IL1RAP: variants seen among roughly 807,000 people sequenced by gnomAD.
IL1RAP encodes the protein interleukin-1 receptor accessory protein.
In IL1RAP, 35 loss-of-function variants were observed where a neutral mutation model predicts 60.7. The observed-to-expected ratio is 0.58, with a 90% CI of 0.44 to 0.76. The LOEUF (loss-of-function observed/expected upper bound fraction) is 0.76, where lower values mean the gene tolerates loss of function less well. Ranked by LOEUF, IL1RAP falls within the 30% of genes least tolerant of loss-of-function variation. IL1RAP has a pLI of 0.00. For missense variants in IL1RAP, 572 were observed against 693.9 expected (o/e 0.82, Z 1.97); for synonymous variants, 268 against 250.9 (o/e 1.07, Z -0.64).
intron 1 of IL1RAP, among the ~76,000 whole-genome samples, chr3:190,517,112 C>T (rs1193495540): frequency 6.6e-6 from 1 of 152,200 alleles, no homozygotes; most frequent in South Asian, 2.1e-4. Context: ...TCCTTAAGCA[C>T]AGTTCTGTAG....
At chr3:190,556,743 G>A (rs186448780) in intron 2 of IL1RAP, among the ~76,000 whole-genome samples, 2 of 152,234 alleles carry the variant, frequency 1.3e-5, no homozygotes, top group Non-Finnish European at 2.9e-5. Flanking sequence ...CTTGAACCAC[G>A]TAATTTGGGC....
At chr3:190,607,733 T>G (rs921619424) in intron 4 of IL1RAP, among the ~76,000 whole-genome samples, 9 of 152,210 alleles carry the variant, frequency 5.9e-5, no homozygotes, top group African/African-American at 2.2e-4. Context: ...ATGTGTTTGT[T>G]TTTTTCCTTC....
intron 3 of IL1RAP, among the ~76,000 whole-genome samples, chr3:190,572,640 C>T (rs1372481259): frequency 6.6e-6 from 1 of 152,164 alleles, no homozygotes. Context: ...AATACTCCCC[C>T]CTTTTTTTCC....
At chr3:190,656,523 G>A in exon 12 of IL1RAP, 1 of 1,537,268 alleles carries the variant, frequency 6.5e-7, no homozygotes, top group Non-Finnish European at 8.7e-7. Flanking sequence ...GCACCAGATT[G>A]GAACCCCCTG....
intron 3 of IL1RAP, among the ~76,000 whole-genome samples, chr3:190,572,260 T>G (rs546205685): frequency 1.6e-4 from 24 of 152,306 alleles, no homozygotes; most frequent in Non-Finnish European, 3.1e-4. Flanking sequence ...ATTTTCAATG[T>G]TTTTTGAATT....
chr3:190,531,270 T>A (rs1462233098), intron 1 of IL1RAP, among the ~76,000 whole-genome samples: 1 of 151,738 alleles, frequency 6.6e-6, no homozygotes. Context: ...TAATAATAAT[T>A]AAAAAAAATC....
At chr3:190,585,601 C>T (rs1467454229) in intron 3 of IL1RAP, among the ~76,000 whole-genome samples, 1 of 152,098 alleles carries the variant, frequency 6.6e-6, no homozygotes, top group Non-Finnish European at 1.5e-5. Context: ...TGCCTGACCT[C>T]AGGAGTTTGA....
chr3:190,522,619 G>A lies in IL1RAP; in HGVS notation c.-89+8400G>A, dbSNP rs188300739. ...CTCTCTCATTTGATGAATCTCAGAT[G>A]GAGAGGGGGAGTATATCAAGTAGAT... On this transcript the variant is annotated intron_variant, in intron 1 of 11. Transcript: ENST00000447382. Among the ~76,000 whole-genome samples the A allele has an allele frequency of 8.3e-4, 122 of 147,850 alleles. 1 individual carries two copies. The highest frequency in any genetic ancestry group is 2.3e-3 in the Admixed American group (33 of 14,512).
intron 11 of IL1RAP, among the ~76,000 whole-genome samples, chr3:190,646,492 C>A (rs1421944736): frequency 6.6e-6 from 1 of 152,024 alleles, no homozygotes; most frequent in Non-Finnish European, 1.5e-5. Context: ...GCCAGTGTAA[C>A]TAGAAGGTTT....
intron 1 of IL1RAP, among the ~76,000 whole-genome samples, chr3:190,515,430 A>T (rs913964795): frequency 6.6e-6 from 1 of 152,118 alleles, no homozygotes; most frequent in Non-Finnish European, 1.5e-5. Context: ...GGGTTTTCAG[A>T]AAGGTGATTT....
intron 2 of IL1RAP, 110 bp downstream of exon 2, chr3:190,556,326 C>G (rs1372815726): frequency 6.6e-6 from 1 of 151,982 alleles, no homozygotes; most frequent in Non-Finnish European, 1.5e-5. Flanking sequence ...CAAGCAAAAA[C>G]TTTAGCTTAT....
chr3:190,645,190 C>T (rs7628357), intron 10 of IL1RAP, among the ~76,000 whole-genome samples: 5 of 152,106 alleles, frequency 3.3e-5, no homozygotes, highest in South Asian at 4.2e-4. Context: ...GGAAGAAACA[C>T]GGAATCGATA....
rs191282769 is a variant in IL1RAP, at chr3:190,610,969, A to T, written c.537+1788A>T. ...ACAAAATTTAATGGGTTACATTTGG[A>T]TGATGATAGGAAATCAGTTTATTAT... On this transcript the variant is annotated intron_variant, in intron 5 of 11. Transcript: ENST00000447382. Among the ~76,000 whole-genome samples the T allele has an allele frequency of 1.4e-3, 212 of 152,334 alleles. 1 individual carries two copies. Among genetic ancestry groups the T allele is most frequent in the African/African-American group, 4.9e-3 (203 of 41,572 alleles).
chr3:190,601,092 C>A (rs760146079), intron 3 of IL1RAP, among the ~76,000 whole-genome samples: 1 of 152,210 alleles, frequency 6.6e-6, no homozygotes, highest in African/African-American at 2.4e-5. Flanking sequence ...TCAAGCAAGT[C>A]TCCTGCCTCA....
At chr3:190,532,325 C>G (rs1272386842) in intron 1 of IL1RAP, among the ~76,000 whole-genome samples, 1 of 149,926 alleles carries the variant, frequency 6.7e-6, no homozygotes, top group Non-Finnish European at 1.5e-5. Context: ...TGCAGTGGCA[C>G]CATCTCGGCT....
In IL1RAP at chr3:190,577,655, C is replaced by A. The variant is rs530540210; in HGVS notation, c.64+13302C>A. Among the ~76,000 whole-genome samples, 7 of 152,262 alleles carry A rather than the reference C, an allele frequency of 4.6e-5. No homozygotes were observed. In the East Asian group the frequency reaches 1.4e-3, roughly 29 times the overall value. ...AAGAGGTTCTCTTGCCTCAGCCTTC[C>A]AAGTAGCTGGGACTATAGGGGCATG... is the stretch of plus-strand genomic sequence containing the variant. On this transcript the variant is annotated intron_variant, in intron 3 of 11. Coordinates refer to ENST00000447382, the MANE Select transcript of IL1RAP (RefSeq NM_002182.4).
chr3:190,615,146 T>A, intron 5 of IL1RAP: 2 of 154,870 alleles, frequency 1.3e-5, no homozygotes, highest in Non-Finnish European at 2.8e-5. Context: ...GTTTAACTCC[T>A]GTGAGTTAAA....
rs560411520 is a variant in IL1RAP at position 190,642,501 on chromosome 3, T to C, written c.1052-1747T>C. ...CCCCGCACTTTGGAGTCAGGGAGCC[T>C]CTACAGCAATTCCAGCTTGGAATGA... On this transcript the variant is annotated intron_variant, in intron 9 of 11. Transcript: ENST00000447382. 4 of 152,358 alleles carry C rather than the reference T, an allele frequency of 2.6e-5. No homozygotes were observed. The East Asian group carries it at 7.7e-4, about 29-fold the overall frequency. The allele number at this position is 152,358 out of a possible 1,614,324, so 9.4% of individuals were successfully genotyped here.
intron 3 of IL1RAP, among the ~76,000 whole-genome samples, chr3:190,576,262 A>T (rs918488366): frequency 6.6e-6 from 1 of 152,224 alleles, no homozygotes; most frequent in African/African-American, 2.4e-5. Flanking sequence ...AATTGACTAC[A>T]TAAAGATTTT....
Sources: gnomAD v4.1 joint callset for allele counts (sites outside exome capture counted in the v4.1 genomes callset) on GRCh38, gnomAD v4.1.1 for gene constraint, MANE v1.5 for transcripts, NCBI Gene and HGNC (gene_info 2026-07-23, HGNC 2026-07-21) for gene names.